Variants in PTPRU observed in about 807,000 individuals in gnomAD.
PTPRU encodes the protein receptor-type tyrosine-protein phosphatase U.
A neutral mutation model predicts 166.3 loss-of-function variants in PTPRU; 69 were observed. The observed-to-expected ratio is 0.41, with a 90% confidence interval of 0.34 to 0.51. The LOEUF is 0.51. Ranked by LOEUF, PTPRU falls within the 20% of genes least tolerant of loss-of-function variation. PTPRU has a pLI of 0.09. For missense variants in PTPRU, 1,657 were observed against 2,013.7 expected, an observed-to-expected ratio of 0.82 and a Z score of 3.39; for synonymous variants, 793 against 814.0, an observed-to-expected ratio of 0.97 and a Z score of 0.44.
intron 26 of PTPRU, among the ~76,000 whole-genome samples, chr1:29,321,044 G>A (rs1688134983): frequency 6.6e-6 from 1 of 151,986 alleles, no homozygotes. Context: ...TTTTTTTTGA[G>A]ACAAGGTCTC....
rs1301190414 is a variant in PTPRU, at chr1:29,259,839, G to A, written c.676-31G>A. The A allele has an allele frequency of 4.0e-6, 6 of 1,510,000 alleles. No homozygotes were observed. In the African/African-American group the frequency reaches 5.5e-5, roughly 14 times the overall value. 93.5% of individuals were successfully genotyped at this position (1,510,000 alleles called of 1,614,324 possible). A position where few individuals can be genotyped will look rare whatever the true frequency, so the allele number is the denominator to read the frequency against. Reference sequence around the variant, plus strand: ...AGATCGGGACCCCTCGCTCCGAGGCGCCCCTGACCCCCTCACTCTCTTCCC... The same window carrying A: ...AGATCGGGACCCCTCGCTCCGAGGCACCCCTGACCCCCTCACTCTCTTCCC... On this transcript the variant is annotated intron_variant, in intron 5 of 29. Transcript: ENST00000373779.
In PTPRU at chr1:29,279,251, C is replaced by A. The variant is rs1365708662; in HGVS notation, c.1563+130C>A. ...ATTGTCATAGTTTCTTCAACTATGG[C>A]CAGGTCTGTGCCCTGTGTATTCTAG... is the stretch of plus-strand genomic sequence containing the variant. On this transcript the variant is annotated intron_variant, in intron 9 of 29. Coordinates refer to ENST00000373779, the MANE Select transcript of PTPRU (RefSeq NM_133178.4). This position sits in a 1 kb window ranked among gnomAD's most constrained non-coding sequence, Gnocchi z 5.2. 1.9e-5 allele frequency: 19 copies of A among 1,019,184 alleles called. No individual in the cohort carries two copies. The highest frequency in any genetic ancestry group is 2.6e-5 in the Non-Finnish European group (18 of 684,704). 63.1% of individuals were successfully genotyped at this position (1,019,184 alleles called of 1,614,324 possible).
intron 1 of PTPRU, among the ~76,000 whole-genome samples, chr1:29,240,931 A>T (rs1684024860): frequency 6.6e-6 from 1 of 152,068 alleles, no homozygotes; most frequent in African/African-American, 2.4e-5. Context: ...CACCGGAGGG[A>T]AGGGAGGAGA....
rs912164422 is a variant in PTPRU, at chr1:29,291,399, A to G, written c.2319-470A>G. On this transcript the variant is annotated intron_variant, in intron 14 of 29. Coordinates refer to ENST00000373779, the MANE Select transcript of PTPRU (RefSeq NM_133178.4). This position sits in a 1 kb window ranked among gnomAD's most constrained non-coding sequence, Gnocchi z 4.1. ...TGTAGTCCCTCCTTCCTGCAGGAGA[A>G]GGAGGAGTCTGGAGAGTGGTCCCTG... Among the ~76,000 whole-genome samples the G allele has an allele frequency of 6.6e-6, 1 of 151,402 alleles. No homozygotes were observed. Among genetic ancestry groups the G allele is most frequent in the Non-Finnish European group, 1.5e-5 (1 of 67,930 alleles).
intron 1 of PTPRU, among the ~76,000 whole-genome samples, chr1:29,251,369 A>T (rs1684538478): frequency 6.6e-6 from 1 of 152,090 alleles, no homozygotes; most frequent in Middle Eastern, 3.2e-3. Flanking sequence ...GGCAGAGGTC[A>T]GGGGTCACTG....
chr1:29,272,980 G>A (rs549625152), intron 7 of PTPRU, among the ~76,000 whole-genome samples: 1 of 151,276 alleles, frequency 6.6e-6, no homozygotes, highest in East Asian at 1.9e-4. Context: ...AGATTGTATA[G>A]CGGTGCTTTC....
chr1:29,315,497 T>C lies in PTPRU; in HGVS notation c.3353T>C (p.Ile1118Thr), dbSNP rs1362544310. 6.2e-7 allele frequency: 1 copy of C among 1,614,172 alleles called. No homozygotes were observed. Among genetic ancestry groups the C allele is most frequent in the East Asian group, 2.2e-5 (1 of 44,886 alleles). Reference sequence around the variant, plus strand: ...CTCTGCTCCCGGCGTGTCAACATGATCCAGACTGAGGTGCGGGGACCTGGC... The same window carrying C: ...CTCTGCTCCCGGCGTGTCAACATGACCCAGACTGAGGTGCGGGGACCTGGC... ...KTLCSRRVNM[I>T]QTEEQYIFIH... Residue 1118 changes from isoleucine (I) to threonine (T), a missense_variant, in exon 23 of 30, where the codon ATC becomes ACC. By Grantham distance (89) the Ile-to-Thr change is moderately conservative. Transcript: ENST00000373779. This position sits in a 1 kb window ranked among gnomAD's most constrained non-coding sequence, Gnocchi z 4.5.
chr1:29,303,062 C>T (rs1687209409), intron 15 of PTPRU, among the ~76,000 whole-genome samples: 1 of 152,196 alleles, frequency 6.6e-6, no homozygotes, highest in African/African-American at 2.4e-5. Flanking sequence ...GACCAAATCA[C>T]CTAACAATGC....
intron 7 of PTPRU, among the ~76,000 whole-genome samples, chr1:29,264,880 T>TGAATTA (rs1198966442): frequency 3.9e-5 from 6 of 152,356 alleles, no homozygotes; most frequent in South Asian, 4.1e-4. Context: ...TGGAATTGGT[T>TGAATTA]TCTTTCATTC....
At chr1:29,309,864 GC>G (rs899517788) in intron 18 of PTPRU, among the ~76,000 whole-genome samples, 4 of 152,226 alleles carry the variant, frequency 2.6e-5, no homozygotes, top group African/African-American at 4.8e-5. Context: ...GAGGTAGGGG[GC>G]TGGGCTAGTT....
intron 26 of PTPRU, among the ~76,000 whole-genome samples, chr1:29,321,196 A>ATTTT (rs71025210): frequency 3.0e-5 from 3 of 100,390 alleles, no homozygotes; most frequent in Admixed American, 1.1e-4. Context: ...CAGCTGTCTG[A>ATTTT]TTTTTTTTTT....
At chr1:29,309,880 C>T (rs150077037) in intron 18 of PTPRU, among the ~76,000 whole-genome samples, 193 of 152,338 alleles carry the variant, frequency 1.3e-3, no homozygotes, top group African/African-American at 4.5e-3. Flanking sequence ...CTAGTTTTCT[C>T]AGCGCCAGCC....
chr1:29,278,110 C>T (rs537814939), intron 8 of PTPRU, among the ~76,000 whole-genome samples: 5 of 152,054 alleles, frequency 3.3e-5, no homozygotes, highest in East Asian at 3.9e-4. Flanking sequence ...CGTGAGCCAC[C>T]GTGCCCAGCC....
At chr1:29,265,207 C>T (rs1168474336) in intron 7 of PTPRU, among the ~76,000 whole-genome samples, 1 of 152,182 alleles carries the variant, frequency 6.6e-6, no homozygotes, top group Non-Finnish European at 1.5e-5. Flanking sequence ...TATACTCTCA[C>T]CAACAACGTA....
At chr1:29,301,716 A>G (rs1687141629) in intron 15 of PTPRU, among the ~76,000 whole-genome samples, 1 of 152,062 alleles carries the variant, frequency 6.6e-6, no homozygotes, top group Admixed American at 6.6e-5. Context: ...TATATCTCCT[A>G]ATGCTATCCT....
chr1:29,277,736 A>G (rs1685868051), intron 8 of PTPRU, among the ~76,000 whole-genome samples: 1 of 138,912 alleles, frequency 7.2e-6, no homozygotes, highest in Non-Finnish European at 1.5e-5. Flanking sequence ...TTCTATTCCC[A>G]TTTTACAGAA....
rs758489629 is a variant in PTPRU at position 29,255,370 on chromosome 1, C to T, written c.169C>T (p.His57Tyr). The change falls in exon 2 of 30, where the codon CAC (histidine) becomes TAC (tyrosine). Residue 57 changes from histidine (H) to tyrosine (Y), a missense_variant. His to Tyr is a moderately conservative substitution (Grantham distance 83). Transcript: ENST00000373779. ...CTTCCAGTGGGAGCAAGTGCGAATCCACCCTGGCACCCGGGCACCTGCGGA... is the reference window on the plus strand; with the variant it reads ...CTTCCAGTGGGAGCAAGTGCGAATCTACCCTGGCACCCGGGCACCTGCGGA... Reference protein sequence around the residue: ...DDFQWEQVRIHPGTRAPADLP... With the variant: ...DDFQWEQVRIYPGTRAPADLP... 4 of 1,614,056 alleles carry T rather than the reference C, an allele frequency of 2.5e-6. No homozygotes were observed. Among genetic ancestry groups the T allele is most frequent in the Non-Finnish European group, 3.4e-6 (4 of 1,180,030 alleles).
chr1:29,260,476 G>A lies in PTPRU; in HGVS notation c.851-134G>A. 1 of 692,344 alleles carries A rather than the reference G, an allele frequency of 1.4e-6. No individual in the cohort carries two copies. The highest frequency in any genetic ancestry group is 2.2e-6 in the Non-Finnish European group (1 of 453,918). 42.9% of individuals were successfully genotyped at this position (692,344 alleles called of 1,614,324 possible). On this transcript the variant is annotated intron_variant, in intron 6 of 29. Transcript: ENST00000373779. The surrounding 1 kb of genome is among the most constrained non-coding windows in gnomAD (Gnocchi z 8.3). ...TTAGTGGGGGTAGGAGAGCGGGTCT[G>A]GTTGAGGGCTTGGTAGCAGCGTGAG...
chr1:29,244,517 A>G (rs1202342701), intron 1 of PTPRU, among the ~76,000 whole-genome samples: 1 of 152,090 alleles, frequency 6.6e-6, no homozygotes, highest in Non-Finnish European at 1.5e-5. Context: ...TGGGAAATAC[A>G]TTGCTTAGAA....
Sources: allele counts gnomAD v4.1 joint callset (sites outside exome capture counted in the v4.1 genomes callset), GRCh38; gene constraint gnomAD v4.1.1; non-coding constraint Gnocchi (gnomAD v3.1); transcripts MANE v1.5; gene names NCBI Gene and HGNC (gene_info 2026-07-23, HGNC 2026-07-21).